The following TTC3 variants were observed in gnomAD, a reference collection of about 807,000 sequenced individuals.
TTC3 encodes tetratricopeptide repeat domain 3.
Under a neutral mutation model 249.6 loss-of-function variants are expected in TTC3, and 180 were observed. The observed-to-expected ratio is 0.72, with a 90% CI of 0.64 to 0.82. TTC3 has a LOEUF of 0.82. TTC3 is among the 40% of genes least tolerant of loss of function. The probability of loss-of-function intolerance (pLI) is 0.00; values close to 1 mark genes in which losing one functional copy is unlikely to be tolerated. For synonymous variants in TTC3, 717 were observed against 805.0 expected (o/e 0.89, Z 1.85); for missense variants, 2,061 against 2,398.4 (o/e 0.86, Z 2.94).
At chr21:37,201,761 T>C in exon 46 of TTC3, 1 of 753,832 alleles carries the variant, frequency 1.3e-6, no homozygotes. Context: ...ACTTTGATGA[T>C]TGCCAACAGT....
At chr21:37,136,063 C>A (rs1207749455) in intron 18 of TTC3, among the ~76,000 whole-genome samples, 1 of 152,094 alleles carries the variant, frequency 6.6e-6, no homozygotes, top group Non-Finnish European at 1.5e-5. Context: ...TGGGGCACTA[C>A]AATCTGTGCC....
intron 31 of TTC3, among the ~76,000 whole-genome samples, chr21:37,163,848 T>C (rs1205247060): frequency 1.3e-5 from 2 of 152,260 alleles, no homozygotes; most frequent in Non-Finnish European, 2.9e-5. Flanking sequence ...TTACTTAGAT[T>C]GTCAGATATG....
rs1839794719 is a variant in TTC3 at position 37,123,033 on chromosome 21, G to A, written c.1109+5G>A. On this transcript the variant is annotated splice_donor_5th_base_variant and intron_variant, in intron 13 of 45. Coordinates refer to ENST00000355666, the Ensembl canonical transcript of TTC3. ...TAAAGCCTTTTATGAAAACAGGTAA[G>A]TTAATAGCAGGTCAGTAGCTGCTAC... 1 of 1,613,904 alleles carries A rather than the reference G, an allele frequency of 6.2e-7. No individual in the cohort carries two copies. Among genetic ancestry groups the A allele is most frequent in the South Asian group, 1.1e-5 (1 of 91,082 alleles).
At chr21:37,091,387 C>G in exon 7 of TTC3, 1 of 1,609,656 alleles carries the variant, frequency 6.2e-7, no homozygotes. Flanking sequence ...AATTGTTGGC[C>G]TATGTTAAGT....
At chr21:37,163,522 G>T (rs191492400) in intron 31 of TTC3, among the ~76,000 whole-genome samples, 281 of 152,138 alleles carry the variant, frequency 1.8e-3, no homozygotes, top group Non-Finnish European at 2.9e-3. Context: ...GGCTAATTTT[G>T]TATTTTTATT....
At chr21:37,163,060 A>G (rs2080916952) in intron 31 of TTC3, among the ~76,000 whole-genome samples, 1 of 152,268 alleles carries the variant, frequency 6.6e-6, no homozygotes, top group African/African-American at 2.4e-5. Flanking sequence ...GCAGAAACAC[A>G]AACATTCAGA....
intron 11 of TTC3, chr21:37,121,353 AC>A: frequency 6.5e-6 from 1 of 153,914 alleles, no homozygotes; most frequent in Middle Eastern, 3.4e-3. Flanking sequence ...GTATCGGAAA[AC>A]CATGGCACAG....
intron 30 of TTC3, among the ~76,000 whole-genome samples, chr21:37,161,203 G>A (rs2080711665): frequency 6.6e-6 from 1 of 151,966 alleles, no homozygotes; most frequent in Non-Finnish European, 1.5e-5. Flanking sequence ...CATTATGACA[G>A]TCCCAGGATT....
chr21:37,115,068 T>C (rs981268584), intron 11 of TTC3, among the ~76,000 whole-genome samples: 2 of 151,778 alleles, frequency 1.3e-5, no homozygotes, highest in African/African-American at 2.4e-5. Flanking sequence ...TTAGGAGATA[T>C]ACCTAATGCT....
intron 35 of TTC3, among the ~76,000 whole-genome samples, chr21:37,178,197 A>T (rs1239027076): frequency 2.0e-5 from 3 of 152,240 alleles, no homozygotes; most frequent in Non-Finnish European, 4.4e-5. Context: ...GTATGACTAT[A>T]TCACATTTTA....
At chr21:37,087,204 C>A (rs2072606503) in intron 1 of TTC3, 43 bp from the exon 2 acceptor site, 9 of 1,596,362 alleles carry the variant, frequency 5.6e-6, no homozygotes, top group Non-Finnish European at 7.7e-6. Flanking sequence ...TCTGTTATCT[C>A]AAATGATTTA....
At chr21:37,095,224 C>T in intron 8 of TTC3, 126 bp from the exon 9 acceptor site, 1 of 553,910 alleles carries the variant, frequency 1.8e-6, no homozygotes, top group Non-Finnish European at 3.3e-6. Context: ...TCATTTTCTA[C>T]ATAAATAATC....
At chr21:37,076,291 A>G (rs1048795224) in intron 1 of TTC3, among the ~76,000 whole-genome samples, 1 of 152,232 alleles carries the variant, frequency 6.6e-6, no homozygotes, top group Non-Finnish European at 1.5e-5. Context: ...ACTGCTGTGT[A>G]ATATTCCAAG....
At chr21:37,100,931 A>G (rs1183139776) in intron 10 of TTC3, 1 of 152,276 alleles carries the variant, frequency 6.6e-6, no homozygotes, top group East Asian at 1.9e-4. Flanking sequence ...CAAAGGAATC[A>G]GTCATATCTG....
At chr21:37,082,900 A>G (rs1456998925) in intron 1 of TTC3, 2 of 979,758 alleles carry the variant, frequency 2.0e-6, no homozygotes, top group Non-Finnish European at 2.4e-6. Context: ...GGTGATACCA[A>G]CATTTCCATT....
intron 4 of TTC3, 27 bp downstream of exon 4, chr21:37,088,373 G>A: frequency 6.3e-7 from 1 of 1,591,994 alleles, no homozygotes; most frequent in Non-Finnish European, 8.6e-7. Flanking sequence ...TGCTCATTTT[G>A]TGTGGACAGT....
At chr21:37,135,959 A>G (rs542301993) in intron 18 of TTC3, among the ~76,000 whole-genome samples, 2 of 152,314 alleles carry the variant, frequency 1.3e-5, no homozygotes, top group South Asian at 4.1e-4. Context: ...TCTGTGTCAC[A>G]TTTTGGTAAT....
chr21:37,108,393 A>G lies in TTC3; in HGVS notation c.847A>G (p.Asn283Asp), dbSNP rs763091206. Residue 283 changes from asparagine (N) to aspartate (D), a missense_variant and splice_region_variant, in exon 11 of 46, where the codon AAT (asparagine) becomes GAT (aspartate). By Grantham distance (23) the Asn-to-Asp change is conservative. This residue lies in a region of TTC3 where 989 missense variants were observed against 1,145.1 expected (regional missense o/e 0.86). Coordinates refer to ENST00000355666, the Ensembl canonical transcript of TTC3. ...TTAAATACTTGTTTTTCCTTTTAGAAATGCACTCGGTGATGGAAAGAGAGC... is the reference window on the plus strand; with the variant it reads ...TTAAATACTTGTTTTTCCTTTTAGAGATGCACTCGGTGATGGAAAGAGAGC... 1.2e-5 allele frequency: 19 copies of G among 1,607,746 alleles called. No homozygotes were observed. The South Asian group carries it at 2.0e-4, about 17-fold the overall frequency.
At chr21:37,199,947 T>A (rs1256231331) in intron 44 of TTC3, among the ~76,000 whole-genome samples, 1 of 152,266 alleles carries the variant, frequency 6.6e-6, no homozygotes, top group African/African-American at 2.4e-5. Context: ...TATCCCATAC[T>A]GTACTTTAGG....
Sources: allele counts gnomAD v4.1 joint callset (sites outside exome capture counted in the v4.1 genomes callset), GRCh38; gene constraint gnomAD v4.1.1; regional missense constraint gnomAD v4.1.1; transcripts MANE v1.5; gene names NCBI Gene and HGNC (gene_info 2026-07-23, HGNC 2026-07-21).